Variants in ADNP observed in about 807,000 individuals in gnomAD.
ADNP encodes the protein activity-dependent neuroprotector homeobox protein.
ADNP carries 4 observed loss-of-function variants against 84.9 expected under a neutral mutation model. The ratio of observed to expected loss-of-function variants is 0.05; its 90% CI spans 0.02 to 0.11. The LOEUF (loss-of-function observed/expected upper bound fraction) is 0.11. ADNP is among the 10% of genes least tolerant of loss of function. ADNP has a pLI of 1.00. For missense variants in ADNP, 1,132 were observed against 1,326.0 expected, an observed-to-expected ratio of 0.85 and a Z score of 2.27; for synonymous variants, 554 against 468.1, an observed-to-expected ratio of 1.18 and a Z score of -2.37.
At chr20:50,906,282 A>G (rs1199815096) in intron 2 of ADNP, among the ~76,000 whole-genome samples, 2 of 152,238 alleles carry the variant, frequency 1.3e-5, no homozygotes, top group Admixed American at 1.3e-4. Flanking sequence ...TGTTAGAAAA[A>G]TATTTCAGAA....
At chr20:50,896,587 T>G (rs75863917) in intron 5 of ADNP, among the ~76,000 whole-genome samples, 2 of 151,984 alleles carry the variant, frequency 1.3e-5, no homozygotes. Flanking sequence ...TTTAAAAACA[T>G]TTTTTTTCTT....
In ADNP at chr20:50,891,172, C is replaced by A. The variant is rs753039752; in HGVS notation, c.*233G>T. The A allele has an allele frequency of 8.2e-5, 106 of 1,298,104 alleles. No homozygotes were observed. Among genetic ancestry groups the A allele is most frequent in the Non-Finnish European group, 1.0e-4 (106 of 1,027,006 alleles). 80.4% of individuals were successfully genotyped at this position (1,298,104 alleles called of 1,614,324 possible). A position where few individuals can be genotyped will look rare whatever the true frequency, so the allele number is the denominator to read the frequency against. The stretch of plus-strand genomic sequence containing the variant: ...TTTCCTCGTGTGTATTCATGAGTCA[C>A]CAGCTTATTGGTTTTTCACATTTAG... On this transcript the variant is annotated 3_prime_UTR_variant, in exon 6 of 6. Transcript: ENST00000621696.
At chr20:50,919,818 T>C (rs911939615) in intron 2 of ADNP, among the ~76,000 whole-genome samples, 4 of 152,138 alleles carry the variant, frequency 2.6e-5, no homozygotes, top group Non-Finnish European at 4.4e-5. Flanking sequence ...ATGGTTGCTA[T>C]GTCAAGCTTC....
intron 2 of ADNP, among the ~76,000 whole-genome samples, chr20:50,908,729 G>A (rs147370284): frequency 0.018 from 2,768 of 151,912 alleles, 84 homozygotes; most frequent in African/African-American, 0.062. Flanking sequence ...AGCTGAGATC[G>A]AGCCACTGCA....
rs1191965623 is a variant in ADNP, at chr20:50,890,034, A to C, written c.*1371T>G. 11 of 337,974 alleles carry C rather than the reference A, an allele frequency of 3.3e-5. No individual in the cohort carries two copies. The East Asian group carries it at 4.7e-4, about 15-fold the overall frequency. 20.9% of individuals were successfully genotyped at this position (337,974 alleles called of 1,614,324 possible). A position where few individuals can be genotyped will look rare whatever the true frequency, so the allele number is the denominator to read the frequency against. On this transcript the variant is annotated 3_prime_UTR_variant, in exon 6 of 6. Coordinates refer to ENST00000621696, the MANE Select transcript of ADNP (RefSeq NM_001282531.3). ...CAAATTAATGCCAATCCATGTTTAC[A>C]TTTTTTTTTTTATCATTGAGACATT...
At chr20:50,926,887 A>T (rs556823614) in intron 2 of ADNP, among the ~76,000 whole-genome samples, 19 of 152,144 alleles carry the variant, frequency 1.2e-4, no homozygotes, top group African/African-American at 4.3e-4. Flanking sequence ...TTAAGTTGCA[A>T]TTTTCAAAAT....
chr20:50,892,410 T>C lies in ADNP; in HGVS notation c.2304A>G (p.Lys768=), dbSNP rs1252578073. The C allele has an allele frequency of 1.9e-6, 3 of 1,614,108 alleles. No homozygotes were observed. Among genetic ancestry groups the C allele is most frequent in the Admixed American group, 1.7e-5 (1 of 60,010 alleles). The change falls in exon 6 of 6, where the codon AAA becomes AAG. Residue 768 remains lysine, a synonymous_variant. Coordinates refer to ENST00000621696, the MANE Select transcript of ADNP (RefSeq NM_001282531.3). The stretch of plus-strand genomic sequence containing the variant: ...TGTTGAAATACTTTGTTAGAAAGCT[T>C]TTCCTGGCTTCATAGGAATCATCTT... ...GHEDDSYEAR[K]SFLTKYFNKQ...
At chr20:50,924,889 T>G (rs1984186086) in intron 2 of ADNP, among the ~76,000 whole-genome samples, 1 of 152,248 alleles carries the variant, frequency 6.6e-6, no homozygotes, top group Non-Finnish European at 1.5e-5. Context: ...ATCTTTAACT[T>G]AAATCTAAAA....
intron 4 of ADNP, among the ~76,000 whole-genome samples, chr20:50,903,436 G>T (rs553529437): frequency 6.6e-6 from 1 of 152,284 alleles, no homozygotes; most frequent in African/African-American, 2.4e-5. Context: ...ACACAAGCAC[G>T]CCTCAACAAT....
Position 50,892,909 on chromosome 20 carries a change from T to C in ADNP, c.1805A>G (p.Asp602Gly). Residue 602 changes from aspartate to glycine, a missense_variant, in exon 6 of 6, where the codon GAT becomes GGT. This residue lies in a region of ADNP where 53 missense variants were observed against 39.8 expected (regional missense o/e 1.33). Transcript: ENST00000621696. The stretch of plus-strand genomic sequence containing the variant: ...TTGAGGTGAACTTTTTACAGGGATA[T>C]CTGCCTTTTCCTGAACCTTTGGCTG... ...KPQPKVQEKA[D>G]IPVKSSPQAA... 6.2e-7 allele frequency: 1 copy of C among 1,614,268 alleles called. No individual in the cohort carries two copies. Among genetic ancestry groups the C allele is most frequent in the Non-Finnish European group, 8.5e-7 (1 of 1,180,046 alleles).
At chr20:50,901,351 A>G (rs1981967176) in intron 5 of ADNP, among the ~76,000 whole-genome samples, 1 of 143,698 alleles carries the variant, frequency 7.0e-6, no homozygotes, top group Non-Finnish European at 1.5e-5. Context: ...AAAAAAAGTC[A>G]AATATCTGAG....
At chr20:50,915,562 A>G (rs761960863) in intron 2 of ADNP, among the ~76,000 whole-genome samples, 2 of 152,158 alleles carry the variant, frequency 1.3e-5, no homozygotes, top group African/African-American at 2.4e-5. Flanking sequence ...TGGGCAAAAG[A>G]GCTTCCAGAT....
chr20:50,911,370 G>A (rs900260307), intron 2 of ADNP, among the ~76,000 whole-genome samples: 3 of 152,046 alleles, frequency 2.0e-5, no homozygotes. Context: ...GTTGATTTCC[G>A]CATACGGTGA....
At chr20:50,912,290 G>A (rs66588080) in intron 2 of ADNP, among the ~76,000 whole-genome samples, 39,052 of 151,878 alleles carry the variant, frequency 0.26, 5,148 homozygotes, top group Admixed American at 0.27. Context: ...GGGATTACAG[G>A]CACGCGCCAC....
At chr20:50,916,552 C>T (rs1444730916) in intron 2 of ADNP, among the ~76,000 whole-genome samples, 1 of 152,176 alleles carries the variant, frequency 6.6e-6, no homozygotes, top group African/African-American at 2.4e-5. Flanking sequence ...GTCAGTCTCC[C>T]TAGTTCCCTG....
In ADNP at chr20:50,891,746, C is replaced by A. The variant is rs531230573; in HGVS notation, c.2968G>T (p.Glu990Ter). The A allele has an allele frequency of 2.5e-6, 4 of 1,614,016 alleles. No homozygotes were observed. The African/African-American group carries it at 5.3e-5, about 22-fold the overall frequency. ...TCAGACCAGGTTCCTGGTTTCATTT[C>A]GCAGGTATTGTCCTCAAAGTCTGAC... ...QVSDFEDNTC[E>*]MKPGTWSDES... Residue 990 changes from glutamate (E) to a stop codon, truncating the protein, a stop_gained, in exon 6 of 6, where the codon GAA (glutamate) becomes TAA (stop). Coordinates refer to ENST00000621696, the MANE Select transcript of ADNP (RefSeq NM_001282531.3). LOFTEE classifies it high-confidence loss of function.
chr20:50,910,151 T>C (rs1292958648), intron 2 of ADNP, among the ~76,000 whole-genome samples: 3 of 152,034 alleles, frequency 2.0e-5, no homozygotes, highest in African/African-American at 2.4e-5. Flanking sequence ...CTGAGTCTAG[T>C]AGAAAGAACA....
intron 5 of ADNP, among the ~76,000 whole-genome samples, chr20:50,897,035 G>A (rs1021635451): frequency 1.3e-5 from 2 of 152,272 alleles, no homozygotes; most frequent in South Asian, 2.1e-4. Flanking sequence ...TGCACTTCCC[G>A]GGTTCAAGCG....
At position 50,891,866 on chromosome 20, in the gene ADNP, G is replaced by A; in HGVS notation, c.2848C>T (p.His950Tyr). 1 of 1,614,196 alleles carries A rather than the reference G, an allele frequency of 6.2e-7. No individual in the cohort carries two copies. Among genetic ancestry groups the A allele is most frequent in the Non-Finnish European group, 8.5e-7 (1 of 1,180,040 alleles). ...TCAACCTCACTATCAGATGCATTGT[G>A]CATTAGTTTGGTTGGTTCCTCAGTC... is the stretch of plus-strand genomic sequence containing the variant. ...HLTEEPTKLM[H>Y]NASDSEVDQD... Residue 950 changes from histidine to tyrosine, a missense_variant, in exon 6 of 6, where the codon CAC becomes TAC. Physicochemically the swap from His to Tyr is moderately conservative, Grantham distance 83. Transcript: ENST00000621696.
Sources: allele counts gnomAD v4.1 joint callset (sites outside exome capture counted in the v4.1 genomes callset), GRCh38; gene constraint gnomAD v4.1.1; regional missense constraint gnomAD v4.1.1; transcripts MANE v1.5; gene names NCBI Gene and HGNC (gene_info 2026-07-23, HGNC 2026-07-21).